Variants in TRAF3 observed in about 807,000 individuals in gnomAD.
The protein encoded by TRAF3 is TNF receptor-associated factor 3.
Under a neutral mutation model 62.3 loss-of-function variants are expected in TRAF3, and 13 were observed. That is an observed-to-expected ratio of 0.21 (90% CI 0.14 to 0.33). The LOEUF is 0.33. Ranked by LOEUF, TRAF3 falls within the 10% of genes least tolerant of loss-of-function variation. The pLI is 1.00. For synonymous variants in TRAF3, 269 were observed against 283.4 expected (o/e 0.95, Z 0.51); for missense variants, 440 against 741.8 (o/e 0.59, Z 4.73).
intron 2 of TRAF3, 91 bp downstream of exon 2, chr14:102,830,563 C>G (rs1257024302): frequency 1.3e-5 from 2 of 152,174 alleles, no homozygotes; most frequent in Non-Finnish European, 2.9e-5. Context: ...AATTTAGACT[C>G]TGTAATTTAG....
chr14:102,778,797 A>G (rs1897149489), intron 1 of TRAF3, among the ~76,000 whole-genome samples: 2 of 152,174 alleles, frequency 1.3e-5, no homozygotes, highest in African/African-American at 2.4e-5. Context: ...GTATTTGTCT[A>G]TAAAATTCTT....
At chr14:102,808,196 C>G (rs981268087) in intron 1 of TRAF3, among the ~76,000 whole-genome samples, 3 of 152,018 alleles carry the variant, frequency 2.0e-5, no homozygotes, top group Non-Finnish European at 4.4e-5. Context: ...TCCTAAGTTT[C>G]GCAATGGAGA....
At chr14:102,879,324 AT>A (rs956071955) in intron 6 of TRAF3, among the ~76,000 whole-genome samples, 1 of 152,124 alleles carries the variant, frequency 6.6e-6, no homozygotes, top group Non-Finnish European at 1.5e-5. Context: ...CAGGCCTGGA[AT>A]GCGGTGACAC....
intron 2 of TRAF3, among the ~76,000 whole-genome samples, chr14:102,855,037 T>C (rs888283703): frequency 2.0e-5 from 3 of 152,188 alleles, no homozygotes; most frequent in Non-Finnish European, 4.4e-5. Context: ...CAGTCTGCTT[T>C]CTGTCTTGTG....
chr14:102,806,922 T>C (rs759378097), intron 1 of TRAF3, among the ~76,000 whole-genome samples: 30 of 152,094 alleles, frequency 2.0e-4, no homozygotes, highest in Non-Finnish European at 3.7e-4. Context: ...CTAGTGAAGC[T>C]CTTGATTCCT....
intron 2 of TRAF3, among the ~76,000 whole-genome samples, chr14:102,847,349 A>G (rs188873696): frequency 1.7e-4 from 26 of 152,142 alleles, no homozygotes; most frequent in African/African-American, 5.8e-4. Flanking sequence ...TAATTCTTGT[A>G]TTTTTGGTAG....
rs371048128 is a variant in TRAF3, at chr14:102,850,422, C to T, written c.-17-19763C>T. Reference sequence around the variant, plus strand: ...TGCAGAATAAGAATTGCAGGCCGAGCGTGCTGGCTCACACCTGTAATCCCA... The same window carrying T: ...TGCAGAATAAGAATTGCAGGCCGAGTGTGCTGGCTCACACCTGTAATCCCA... On this transcript the variant is annotated intron_variant, in intron 2 of 11. Coordinates refer to ENST00000392745, the MANE Select transcript of TRAF3 (RefSeq NM_145725.3). Among the ~76,000 whole-genome samples the T allele has an allele frequency of 1.3e-3, 198 of 152,186 alleles. 1 individual carries two copies. The South Asian group carries it at 0.018, about 14-fold the overall frequency.
rs1008966719 is a variant in TRAF3 at position 102,907,442 on chromosome 14, T to G, written c.*1658T>G. 1.3e-5 allele frequency: 2 copies of G among 152,542 alleles called. No individual in the cohort carries two copies. Among genetic ancestry groups the G allele is most frequent in the Admixed American group, 1.3e-4 (2 of 15,292 alleles). The allele number at this position is 152,542 out of a possible 1,614,324, so 9.4% of individuals were successfully genotyped here. ...GATTAGAAGCCTGGAGCCTGCCCCC[T>G]GCACCCCTTTTGCTATGCACCACGC... On this transcript the variant is annotated 3_prime_UTR_variant, in exon 12 of 12. Coordinates refer to ENST00000392745, the MANE Select transcript of TRAF3 (RefSeq NM_145725.3).
chr14:102,865,747 G>C (rs1022598366), intron 2 of TRAF3: 2 of 152,076 alleles, frequency 1.3e-5, no homozygotes, highest in Non-Finnish European at 2.9e-5. Context: ...TGATTTAGCC[G>C]CCTCAGCCTC....
chr14:102,783,602 A>T (rs1368608023), intron 1 of TRAF3, among the ~76,000 whole-genome samples: 2 of 152,190 alleles, frequency 1.3e-5, no homozygotes, highest in Non-Finnish European at 2.9e-5. Context: ...TGTGAATTTT[A>T]CATTGTACTC....
chr14:102,864,120 G>A (rs1595372887), intron 2 of TRAF3, among the ~76,000 whole-genome samples: 1 of 150,498 alleles, frequency 6.6e-6, no homozygotes, highest in East Asian at 2.0e-4. Context: ...TTTTAAAATA[G>A]TAGATTCTAA....
At chr14:102,811,152 T>C (rs1003907484) in intron 1 of TRAF3, among the ~76,000 whole-genome samples, 12 of 152,246 alleles carry the variant, frequency 7.9e-5, no homozygotes, top group African/African-American at 2.9e-4. Context: ...TTATACACTT[T>C]GTATCTCACA....
At chr14:102,813,796 G>A (rs1045863040) in intron 1 of TRAF3, among the ~76,000 whole-genome samples, 2 of 151,864 alleles carry the variant, frequency 1.3e-5, no homozygotes, top group African/African-American at 4.8e-5. Flanking sequence ...CTGTTGAGAT[G>A]TGTGAGTTCC....
intron 11 of TRAF3, among the ~76,000 whole-genome samples, chr14:102,904,063 G>C (rs865972846): frequency 1.3e-5 from 2 of 152,176 alleles, no homozygotes; most frequent in Admixed American, 1.3e-4. Context: ...AGGGAGGAGT[G>C]GGGAGAGCAC....
chr14:102,807,863 GAGTT>G (rs1898867694), intron 1 of TRAF3, among the ~76,000 whole-genome samples: 1 of 152,148 alleles, frequency 6.6e-6, no homozygotes, highest in Non-Finnish European at 1.5e-5. Context: ...AGAGCATGGT[GAGTT>G]AGTTGGCCTT....
At chr14:102,900,180 G>A (rs7156304) in intron 10 of TRAF3, among the ~76,000 whole-genome samples, 24,604 of 90,788 alleles carry the variant, frequency 0.27, 7,253 homozygotes, top group African/African-American at 0.74. Context: ...CTCCGTCTCG[G>A]AAAAAAAAAA....
intron 1 of TRAF3, among the ~76,000 whole-genome samples, chr14:102,804,313 C>T (rs2139479281): frequency 6.6e-6 from 1 of 152,252 alleles, no homozygotes; most frequent in African/African-American, 2.4e-5. Flanking sequence ...GATTCCCTTG[C>T]TCCATGACTG....
chr14:102,861,051 T>G (rs551080933), intron 2 of TRAF3, among the ~76,000 whole-genome samples: 1 of 152,328 alleles, frequency 6.6e-6, no homozygotes, highest in African/African-American at 2.4e-5. Flanking sequence ...TGCAGCAGGC[T>G]GGGGAATGCA....
chr14:102,845,174 G>A (rs1254292169), intron 2 of TRAF3, among the ~76,000 whole-genome samples: 1 of 151,024 alleles, frequency 6.6e-6, no homozygotes, highest in African/African-American at 2.4e-5. Flanking sequence ...GGAATTACAG[G>A]CGTGAGCCAC....
Sources: gnomAD v4.1 joint callset for allele counts (sites outside exome capture counted in the v4.1 genomes callset) on GRCh38, gnomAD v4.1.1 for gene constraint, MANE v1.5 for transcripts, NCBI Gene and HGNC (gene_info 2026-07-23, HGNC 2026-07-21) for gene names.